SYN3: variants seen among roughly 807,000 people sequenced by gnomAD.
The protein encoded by SYN3 is synapsin III, also known as synapsin-3.
Under a neutral mutation model 65.8 loss-of-function variants are expected in SYN3, and 35 were observed. The observed-to-expected ratio is 0.53, with a 90% confidence interval of 0.41 to 0.70. The LOEUF (loss-of-function observed/expected upper bound fraction) is 0.70. Ranked by LOEUF, SYN3 falls within the 30% of genes least tolerant of loss-of-function variation. The pLI, the probability that SYN3 is intolerant of heterozygous loss-of-function variation, is 0.00. For synonymous variants in SYN3, 270 were observed against 292.9 expected (o/e 0.92, Z 0.80); for missense variants, 680 against 749.0 (o/e 0.91, Z 1.08).
Position 32,559,197 on chromosome 22 carries a change from A to G in SYN3, c.775-17484T>C, listed in dbSNP as rs183672015. ...CTGGAACAGAAAAGCTGAGATTTCA[A>G]CTACGTCCGTCTGACTCTAAAGCCC... On this transcript the variant is annotated intron_variant, in intron 7 of 13. Coordinates refer to ENST00000358763, the MANE Select transcript of SYN3 (RefSeq NM_003490.4). Among the ~76,000 whole-genome samples the G allele has an allele frequency of 4.0e-3, 603 of 152,358 alleles. 2 individuals are homozygous for G. The highest frequency in any genetic ancestry group is 0.013 in the African/African-American group (557 of 41,580).
intron 7 of SYN3, among the ~76,000 whole-genome samples, chr22:32,545,425 G>A (rs1212693710): frequency 6.6e-6 from 1 of 152,214 alleles, no homozygotes; most frequent in Admixed American, 6.5e-5. Flanking sequence ...AGAAAGCACA[G>A]ACATAGTGGT....
At chr22:33,007,476 A>G (rs1051447416) in intron 1 of SYN3, among the ~76,000 whole-genome samples, 1 of 152,162 alleles carries the variant, frequency 6.6e-6, no homozygotes, top group African/African-American at 2.4e-5. Flanking sequence ...TATGTTGAAG[A>G]TAATGCTGAA....
intron 6 of SYN3, among the ~76,000 whole-genome samples, chr22:32,638,300 AG>A (rs2059848005): frequency 6.6e-6 from 1 of 152,194 alleles, no homozygotes; most frequent in Non-Finnish European, 1.5e-5. Flanking sequence ...TCTTTTTGGT[AG>A]AATGATTTGT....
At chr22:32,900,434 T>C (rs982761781) in intron 4 of SYN3, among the ~76,000 whole-genome samples, 2 of 152,212 alleles carry the variant, frequency 1.3e-5, no homozygotes, top group African/African-American at 4.8e-5. Flanking sequence ...GTTATGGTCA[T>C]TTGTTCATTC....
chr22:32,628,577 A>G (rs2146800689), intron 6 of SYN3, among the ~76,000 whole-genome samples: 1 of 152,220 alleles, frequency 6.6e-6, no homozygotes, highest in East Asian at 1.9e-4. Flanking sequence ...AATGAGACAG[A>G]GAGGTTAAAA....
intron 3 of SYN3, among the ~76,000 whole-genome samples, chr22:32,939,726 A>T (rs566580616): frequency 6.6e-6 from 1 of 152,166 alleles, no homozygotes; most frequent in Non-Finnish European, 1.5e-5. Context: ...CATTGTCTGA[A>T]TATTCAATAA....
intron 1 of SYN3, among the ~76,000 whole-genome samples, chr22:33,042,421 C>T (rs1178334828): frequency 6.6e-6 from 1 of 152,216 alleles, no homozygotes; most frequent in Non-Finnish European, 1.5e-5. Context: ...AAACAATACA[C>T]GTATATTTCA....
chr22:32,606,669 T>C (rs973305614), intron 6 of SYN3, among the ~76,000 whole-genome samples: 99 of 152,256 alleles, frequency 6.5e-4, no homozygotes, highest in Non-Finnish European at 2.4e-4. Flanking sequence ...CCAGGCTCAG[T>C]GGCTTTCTCC....
At chr22:32,997,862 C>T (rs1462038078) in intron 2 of SYN3, among the ~76,000 whole-genome samples, 3 of 151,870 alleles carry the variant, frequency 2.0e-5, no homozygotes, top group African/African-American at 4.8e-5. Flanking sequence ...CCCGTCTCTA[C>T]TAAAAAATAC....
chr22:32,708,887 C>A (rs547347162), intron 6 of SYN3, among the ~76,000 whole-genome samples: 12 of 152,344 alleles, frequency 7.9e-5, no homozygotes, highest in East Asian at 3.9e-4. Flanking sequence ...ATGATGACTC[C>A]GTGCGGAAGG....
intron 7 of SYN3, among the ~76,000 whole-genome samples, chr22:32,570,012 T>A (rs1021362538): frequency 6.6e-6 from 1 of 152,220 alleles, no homozygotes; most frequent in Non-Finnish European, 1.5e-5. Flanking sequence ...TTTCTGGGCA[T>A]GGACACCCCT....
intron 7 of SYN3, among the ~76,000 whole-genome samples, chr22:32,572,350 TTCCCTTAC>T (rs2058777364): frequency 2.4e-5 from 2 of 84,986 alleles, no homozygotes; most frequent in African/African-American, 1.1e-4. Flanking sequence ...CCTTCCTTCC[TTCCCTTAC>T]TTCCCTTCCA....
intron 6 of SYN3, among the ~76,000 whole-genome samples, chr22:32,690,982 G>A (rs1418669637): frequency 6.6e-6 from 1 of 152,140 alleles, no homozygotes; most frequent in Non-Finnish European, 1.5e-5. Context: ...GAGGCTGTGG[G>A]CTCAGGCTGC....
intron 6 of SYN3, among the ~76,000 whole-genome samples, chr22:32,696,960 T>C (rs993863875): frequency 1.3e-5 from 2 of 152,186 alleles, no homozygotes; most frequent in Non-Finnish European, 2.9e-5. Context: ...CGTTTAACAA[T>C]GTCCTCCTTG....
chr22:32,975,368 C>A (rs1341483793), intron 3 of SYN3, among the ~76,000 whole-genome samples: 1 of 137,352 alleles, frequency 7.3e-6, no homozygotes, highest in Non-Finnish European at 1.6e-5. Context: ...AGTGAGACTC[C>A]GCCTCAAAAA....
intron 1 of SYN3, among the ~76,000 whole-genome samples, chr22:33,039,902 C>G (rs1214681690): frequency 6.6e-6 from 1 of 152,126 alleles, no homozygotes; most frequent in Middle Eastern, 3.2e-3. Flanking sequence ...GTCATACATC[C>G]AGCACCTACC....
At chr22:32,711,476 G>A (rs545801658) in intron 6 of SYN3, among the ~76,000 whole-genome samples, 2 of 152,200 alleles carry the variant, frequency 1.3e-5, no homozygotes, top group African/African-American at 4.8e-5. Flanking sequence ...GTAAAGAAGA[G>A]GAGCTGTTTC....
chr22:32,822,110 G>A (rs1254593442), intron 6 of SYN3, among the ~76,000 whole-genome samples: 3 of 143,574 alleles, frequency 2.1e-5, no homozygotes, highest in Admixed American at 7.4e-5. Context: ...AGCCGAGATC[G>A]CACCATTGCA....
At chr22:33,030,742 TAGAGAC>T (rs2053738060) in intron 1 of SYN3, among the ~76,000 whole-genome samples, 3 of 139,618 alleles carry the variant, frequency 2.1e-5, no homozygotes, top group Admixed American at 1.4e-4. Context: ...GAGACTGAGA[TAGAGAC>T]AGAGACAGAG....
Sources: gnomAD v4.1 joint callset for allele counts (sites outside exome capture counted in the v4.1 genomes callset) on GRCh38, gnomAD v4.1.1 for gene constraint, MANE v1.5 for transcripts, NCBI Gene and HGNC (gene_info 2026-07-23, HGNC 2026-07-21) for gene names.